ATRNL1: variants seen among roughly 807,000 people sequenced by gnomAD.
ATRNL1 encodes the protein attractin like 1, also known as attractin-like protein 1.
ATRNL1 carries 95 observed loss-of-function variants against 182.7 expected under a neutral mutation model. The observed-to-expected ratio is 0.52, with a 90% confidence interval of 0.44 to 0.62. The LOEUF (loss-of-function observed/expected upper bound fraction) is 0.62. Among genes scored for constraint, ATRNL1 ranks in the 20% least tolerant of loss-of-function variants. ATRNL1 has a pLI of 0.00. For missense variants in ATRNL1, 1,471 were observed against 1,679.5 expected, an observed-to-expected ratio of 0.88 and a Z score of 2.17; for synonymous variants, 576 against 568.3, an observed-to-expected ratio of 1.01 and a Z score of -0.19.
intron 28 of ATRNL1, among the ~76,000 whole-genome samples, chr10:115,883,788 C>A (rs1555109176): frequency 6.6e-6 from 1 of 152,206 alleles, no homozygotes; most frequent in African/African-American, 2.4e-5. Flanking sequence ...GAACGTTCTG[C>A]CTAAGGCCTG....
At chr10:115,886,468 C>G (rs539970924) in intron 28 of ATRNL1, among the ~76,000 whole-genome samples, 1 of 152,124 alleles carries the variant, frequency 6.6e-6, no homozygotes, top group African/African-American at 2.4e-5. Flanking sequence ...GAGCCAAGAT[C>G]GCACCATTGC....
At chr10:115,917,708 G>A (rs1261440589) in intron 28 of ATRNL1, among the ~76,000 whole-genome samples, 2 of 152,068 alleles carry the variant, frequency 1.3e-5, no homozygotes, top group Non-Finnish European at 2.9e-5. Flanking sequence ...ACTTTTCTCA[G>A]ATATTGAAGA....
chr10:115,354,314 A>G (rs1554942260), intron 19 of ATRNL1, among the ~76,000 whole-genome samples: 2 of 151,972 alleles, frequency 1.3e-5, no homozygotes, highest in Non-Finnish European at 2.9e-5. Flanking sequence ...AGCAGCCTTT[A>G]CTTTCAGATT....
At chr10:115,177,896 T>C (rs1351540371) in intron 8 of ATRNL1, among the ~76,000 whole-genome samples, 1 of 127,870 alleles carries the variant, frequency 7.8e-6, no homozygotes, top group Non-Finnish European at 1.7e-5. Flanking sequence ...TTTGGTTTTG[T>C]TTTTTTGTTT....
At chr10:115,921,437 A>G (rs979031414) in intron 28 of ATRNL1, among the ~76,000 whole-genome samples, 19 of 152,204 alleles carry the variant, frequency 1.2e-4, no homozygotes, top group African/African-American at 4.6e-4. Flanking sequence ...CAGTTTTCTT[A>G]AAAAGATAAA....
At chr10:115,395,110 A>C (rs952108776) in intron 20 of ATRNL1, among the ~76,000 whole-genome samples, 24 of 139,432 alleles carry the variant, frequency 1.7e-4, no homozygotes, top group Non-Finnish European at 1.7e-5. Flanking sequence ...TATAAGCAAA[A>C]ACATGTGGCA....
At chr10:115,839,101 G>T (rs1433530729) in intron 27 of ATRNL1, among the ~76,000 whole-genome samples, 3 of 152,102 alleles carry the variant, frequency 2.0e-5, no homozygotes, top group Admixed American at 6.6e-5. Context: ...TCTTTCTGCT[G>T]ACAGTTAGTT....
chr10:115,817,349 C>T (rs1950188661), intron 27 of ATRNL1, among the ~76,000 whole-genome samples: 1 of 152,000 alleles, frequency 6.6e-6, no homozygotes, highest in South Asian at 2.1e-4. Context: ...ATTACATTCC[C>T]AGCATGCATT....
At chr10:115,798,379 G>T (rs1465118143) in intron 27 of ATRNL1, among the ~76,000 whole-genome samples, 1 of 152,146 alleles carries the variant, frequency 6.6e-6, no homozygotes, top group Non-Finnish European at 1.5e-5. Context: ...CTGCCTCAAA[G>T]CTCTCTGCTC....
intron 28 of ATRNL1, among the ~76,000 whole-genome samples, chr10:115,878,979 T>C (rs2615886): frequency 0.54 from 82,836 of 152,054 alleles, 23,368 homozygotes; most frequent in East Asian, 0.76. Context: ...AAAATTATAA[T>C]GGCATCACAT....
At chr10:115,882,178 T>C (rs535934074) in intron 28 of ATRNL1, among the ~76,000 whole-genome samples, 1 of 152,244 alleles carries the variant, frequency 6.6e-6, no homozygotes, top group South Asian at 2.1e-4. Flanking sequence ...CAAAAACAGT[T>C]GTTGTCTCTG....
chr10:115,364,675 T>C (rs1380478428), intron 19 of ATRNL1, among the ~76,000 whole-genome samples: 1 of 151,294 alleles, frequency 6.6e-6, no homozygotes, highest in Non-Finnish European at 1.5e-5. Context: ...ATAGCTCTTA[T>C]TATTTTGAGA....
At chr10:115,928,675 C>T (rs1404837372) in intron 28 of ATRNL1, among the ~76,000 whole-genome samples, 1 of 151,900 alleles carries the variant, frequency 6.6e-6, no homozygotes, top group African/African-American at 2.4e-5. Context: ...TTTGAATATT[C>T]TGATCAAAAC....
intron 26 of ATRNL1, among the ~76,000 whole-genome samples, chr10:115,715,885 A>G (rs1414288962): frequency 1.3e-5 from 2 of 152,204 alleles, no homozygotes; most frequent in African/African-American, 4.8e-5. Context: ...GGAACATTGG[A>G]CTTAGTAACC....
rs7085748 is a variant in ATRNL1, at chr10:115,346,079, G to T, written c.3175+11660G>T. ...TACTTTACCTGTTTAAAGAAACTTT[G>T]TTTTCTTAAATTTTGGAAAAATATG... is the stretch of plus-strand genomic sequence containing the variant. On this transcript the variant is annotated intron_variant, in intron 19 of 28. Coordinates refer to ENST00000355044, the MANE Select transcript of ATRNL1 (RefSeq NM_207303.4). Among the ~76,000 whole-genome samples the T allele has an allele frequency of 6.9e-4, 105 of 152,136 alleles. 1 individual carries two copies. Among genetic ancestry groups the T allele is most frequent in the African/African-American group, 2.3e-3 (96 of 41,536 alleles).
intron 18 of ATRNL1, among the ~76,000 whole-genome samples, chr10:115,332,395 C>T (rs1316802878): frequency 2.6e-5 from 4 of 152,102 alleles, no homozygotes; most frequent in Non-Finnish European, 5.9e-5. Flanking sequence ...GATGTTTCTT[C>T]GTGGGTATAA....
chr10:115,748,379 A>G (rs1593163951), intron 27 of ATRNL1, among the ~76,000 whole-genome samples: 1 of 143,106 alleles, frequency 7.0e-6, no homozygotes, highest in South Asian at 2.2e-4. Context: ...TCTCTGTTGT[A>G]AATTGGTAGG....
At chr10:115,323,118 A>G (rs1854669447) in intron 18 of ATRNL1, among the ~76,000 whole-genome samples, 1 of 151,130 alleles carries the variant, frequency 6.6e-6, no homozygotes, top group African/African-American at 2.4e-5. Context: ...TCTATTATTC[A>G]TGTGATGGTA....
chr10:115,308,711 A>G (rs1048080753), intron 17 of ATRNL1, among the ~76,000 whole-genome samples: 5 of 152,116 alleles, frequency 3.3e-5, no homozygotes, highest in Admixed American at 6.6e-5. Flanking sequence ...CATAGCCTGC[A>G]TAAGGTTTCT....
Sources: gnomAD v4.1 joint callset for allele counts (sites outside exome capture counted in the v4.1 genomes callset) on GRCh38, gnomAD v4.1.1 for gene constraint, MANE v1.5 for transcripts, NCBI Gene and HGNC (gene_info 2026-07-23, HGNC 2026-07-21) for gene names.